Variants in REPS1 observed in about 807,000 individuals in gnomAD.
REPS1 encodes the protein RALBP1 associated Eps domain containing 1.
Under a neutral mutation model 100.9 loss-of-function variants are expected in REPS1, and 39 were observed. The observed-to-expected ratio is 0.39, with a 90% CI of 0.30 to 0.50. The LOEUF (loss-of-function observed/expected upper bound fraction) is 0.50, where lower values mean the gene tolerates loss of function less well. Ranked by LOEUF, REPS1 falls within the 20% of genes least tolerant of loss-of-function variation. REPS1 has a pLI of 0.86. For missense variants in REPS1, 821 were observed against 968.5 expected (o/e 0.85, Z 2.02); for synonymous variants, 324 against 340.3 (o/e 0.95, Z 0.53).
At chr6:138,957,044 A>G (rs1285567859) in intron 1 of REPS1, among the ~76,000 whole-genome samples, 4 of 152,090 alleles carry the variant, frequency 2.6e-5, no homozygotes, top group Non-Finnish European at 5.9e-5. Flanking sequence ...AAATACAAAA[A>G]AAAAAGAATT....
chr6:138,944,456 G>A (rs371874027), intron 5 of REPS1, 42 bp downstream of exon 5: 1 of 1,597,582 alleles, frequency 6.3e-7, no homozygotes, highest in Non-Finnish European at 8.6e-7. Flanking sequence ...GCAATACTCT[G>A]AATGAAGCAA....
At chr6:138,962,804 T>A (rs1029833624) in intron 1 of REPS1, among the ~76,000 whole-genome samples, 1 of 152,200 alleles carries the variant, frequency 6.6e-6, no homozygotes, top group Non-Finnish European at 1.5e-5. Context: ...AGGCCTCTTA[T>A]ATTCCCAGCA....
At chr6:138,986,113 G>A (rs1785243852) in intron 1 of REPS1, among the ~76,000 whole-genome samples, 1 of 152,168 alleles carries the variant, frequency 6.6e-6, no homozygotes, top group Non-Finnish European at 1.5e-5. Flanking sequence ...GCTTTGTTTT[G>A]TATCTCCCTG....
intron 5 of REPS1, 23 bp downstream of exon 5, chr6:138,944,475 G>T (rs771457221): frequency 1.2e-6 from 2 of 1,608,190 alleles, no homozygotes; most frequent in Non-Finnish European, 8.5e-7. Flanking sequence ...AAATAAAAAT[G>T]CAATACCAAT....
At chr6:138,920,930 T>TACTA (rs1178115290) in intron 11 of REPS1, 107 bp downstream of exon 11, 3 of 755,010 alleles carry the variant, frequency 4.0e-6, no homozygotes, top group African/African-American at 3.5e-5. Context: ...TTGTAGAAAG[T>TACTA]ACTAGCTTAA....
rs536721501 is a variant in REPS1 at position 138,984,247 on chromosome 6, C to A, written c.153+3283G>T. ...TACAGGCATGCGCCACCACATGCGG[C>A]TAATTTTGTATTTTTAGTACAGAAA... On this transcript the variant is annotated intron_variant, in intron 1 of 19. Transcript: ENST00000450536. 9.9e-5 allele frequency among the ~76,000 whole-genome samples: 15 copies of A among 152,192 alleles called. 1 individual carries two copies. The East Asian group carries it at 2.7e-3, about 27-fold the overall frequency.
In REPS1 at chr6:138,905,059, T is replaced by C. The variant is rs1254322337; in HGVS notation, c.*5A>G. ...CAAGTATGTTCACAGTTAACGGCAA[T>C]TGGCTTATAGGTGAGAGAATGGTCG... On this transcript the variant is annotated 3_prime_UTR_variant, in exon 20 of 20. Coordinates refer to ENST00000450536, the MANE Select transcript of REPS1 (RefSeq NM_001286611.2). 7 of 1,613,844 alleles carry C rather than the reference T, an allele frequency of 4.3e-6. No homozygotes were observed. The highest frequency in any genetic ancestry group is 1.1e-5 in the South Asian group (1 of 91,034).
At chr6:138,960,120 T>C (rs958534840) in intron 1 of REPS1, among the ~76,000 whole-genome samples, 2 of 152,184 alleles carry the variant, frequency 1.3e-5, no homozygotes, top group Non-Finnish European at 2.9e-5. Context: ...TCAGAATGCA[T>C]TTTTAGCCCA....
intron 1 of REPS1, among the ~76,000 whole-genome samples, chr6:138,974,763 T>C (rs904134788): frequency 6.6e-6 from 1 of 152,280 alleles, no homozygotes; most frequent in East Asian, 1.9e-4. Flanking sequence ...ATACAGACTT[T>C]AAGGCCGGAC....
At chr6:138,935,632 C>T (rs1391518083) in intron 8 of REPS1, among the ~76,000 whole-genome samples, 2 of 151,934 alleles carry the variant, frequency 1.3e-5, no homozygotes, top group Non-Finnish European at 2.9e-5. Context: ...GAGGCAGGCG[C>T]TTCACGAGGT....
chr6:138,968,498 G>A (rs1022332490), intron 1 of REPS1, among the ~76,000 whole-genome samples: 2 of 149,276 alleles, frequency 1.3e-5, no homozygotes, highest in Non-Finnish European at 2.9e-5. Context: ...GAACTCCAAA[G>A]CCTGGTTTTT....
At chr6:138,985,297 C>G (rs1452963325) in intron 1 of REPS1, among the ~76,000 whole-genome samples, 1 of 152,176 alleles carries the variant, frequency 6.6e-6, no homozygotes, top group African/African-American at 2.4e-5. Flanking sequence ...CATTTCATAA[C>G]ACTTGGCACC....
At chr6:138,919,440 C>T (rs1191999248) in intron 12 of REPS1, among the ~76,000 whole-genome samples, 1 of 152,316 alleles carries the variant, frequency 6.6e-6, no homozygotes, top group South Asian at 2.1e-4. Flanking sequence ...TCATGTCACT[C>T]CTCCATTCAA....
Position 138,912,876 on chromosome 6 carries a change from C to T in REPS1, c.1860G>A (p.Gln620=), listed in dbSNP as rs150384958. 5.6e-6 allele frequency: 9 copies of T among 1,614,132 alleles called. No homozygotes were observed. The highest frequency in any genetic ancestry group is 7.6e-6 in the Non-Finnish European group (9 of 1,180,016). Residue 620 remains glutamine, a synonymous_variant, in exon 16 of 20, where the codon CAG becomes CAA. Coordinates refer to ENST00000450536, the MANE Select transcript of REPS1 (RefSeq NM_001286611.2). Reference sequence around the variant, plus strand: ...CTGCAAAATTTGGTTGCTCTGGTATCTGCTGAGGTGAGGTACTAGTGTGAG... The same window carrying T: ...CTGCAAAATTTGGTTGCTCTGGTATTTGCTGAGGTGAGGTACTAGTGTGAG... The part of the protein sequence containing the change: ...LITHTSTSPQ[Q]IPEQPNFADF...
intron 8 of REPS1, among the ~76,000 whole-genome samples, chr6:138,933,849 A>G (rs1486243849): frequency 6.6e-6 from 1 of 152,158 alleles, no homozygotes; most frequent in Non-Finnish European, 1.5e-5. Context: ...ATGTAAACAA[A>G]GACTCTTGGG....
chr6:138,926,808 A>G (rs372874454), intron 9 of REPS1: 7 of 183,432 alleles, frequency 3.8e-5, no homozygotes, highest in East Asian at 2.9e-4. Context: ...TAAAAATGCT[A>G]AAGAGGCATG....
At chr6:138,941,307 A>C in intron 8 of REPS1, 28 bp downstream of exon 8, 1 of 1,611,454 alleles carries the variant, frequency 6.2e-7, no homozygotes. Context: ...AAGGCATGCA[A>C]ACAGCTCTCT....
chr6:138,966,376 G>A (rs893306571), intron 1 of REPS1, among the ~76,000 whole-genome samples: 7 of 152,018 alleles, frequency 4.6e-5, no homozygotes, highest in Non-Finnish European at 7.4e-5. Context: ...TACTACACCC[G>A]TGCTATGGGT....
chr6:138,936,264 C>T (rs1055039128), intron 8 of REPS1, among the ~76,000 whole-genome samples: 4 of 152,112 alleles, frequency 2.6e-5, no homozygotes, highest in Middle Eastern at 6.8e-3. Flanking sequence ...GAGATCATAG[C>T]TTACTGTAAC....
Sources: gnomAD v4.1 joint callset for allele counts (sites outside exome capture counted in the v4.1 genomes callset) on GRCh38, gnomAD v4.1.1 for gene constraint, MANE v1.5 for transcripts, NCBI Gene and HGNC (gene_info 2026-07-23, HGNC 2026-07-21) for gene names.